The following SLA variants were observed in gnomAD, a reference collection of about 807,000 sequenced individuals.
SLA encodes Src like adaptor, also known as src-like-adapter.
A neutral mutation model predicts 30.3 loss-of-function variants in SLA; 16 were observed. That is an observed-to-expected ratio of 0.53 (90% CI 0.36 to 0.80). The LOEUF (loss-of-function observed/expected upper bound fraction) is 0.80, where lower values mean the gene tolerates loss of function less well. SLA is among the 30% of genes least tolerant of loss of function. The pLI is 0.01. For synonymous variants in SLA, 143 were observed against 137.8 expected, an observed-to-expected ratio of 1.04 and a Z score of -0.26; for missense variants, 310 against 345.2, an observed-to-expected ratio of 0.90 and a Z score of 0.81.
intron 1 of SLA, among the ~76,000 whole-genome samples, chr8:133,075,750 T>A (rs1366129463): frequency 1.3e-5 from 2 of 152,098 alleles, no homozygotes; most frequent in East Asian, 3.9e-4. Context: ...ACCACAATCA[T>A]TGTGGCACCA....
chr8:133,037,981 G>A lies in SLA; in HGVS notation c.*543C>T, dbSNP rs1372491301. ...AAGAAGTCCTTTGGGCTAATGTTTA[G>A]TGTCACGAAGTTCCTTTAAAAAGAG... On this transcript the variant is annotated 3_prime_UTR_variant, in exon 9 of 9. Transcript: ENST00000338087. 1 of 155,162 alleles carries A rather than the reference G, an allele frequency of 6.4e-6. No individual in the cohort carries two copies. Among genetic ancestry groups the A allele is most frequent in the African/African-American group, 2.4e-5 (1 of 41,448 alleles). The allele number at this position is 155,162 out of a possible 1,614,324, so 9.6% of individuals were successfully genotyped here. A position where few individuals can be genotyped will look rare whatever the true frequency, so the allele number is the denominator to read the frequency against.
chr8:133,062,985 G>C (rs1342258266), intron 2 of SLA, among the ~76,000 whole-genome samples: 1 of 152,218 alleles, frequency 6.6e-6, no homozygotes, highest in Non-Finnish European at 1.5e-5. Context: ...GGGCTTCCTG[G>C]TACCTGCCAG....
chr8:133,078,561 G>T (rs1255418773), intron 1 of SLA, among the ~76,000 whole-genome samples: 2 of 152,144 alleles, frequency 1.3e-5, no homozygotes, highest in Non-Finnish European at 2.9e-5. Flanking sequence ...CATGCATTTT[G>T]TGCTCCATAC....
chr8:133,102,552 C>T lies in SLA; in HGVS notation c.-319+1G>A. ...CAATGACAGCAAAGTTAGCAACCTA[C>T]CGGTGGAGCATCAGGGCTGCCTGAG... On this transcript the variant is annotated splice_donor_variant, in intron 1 of 8. Coordinates refer to ENST00000338087, the MANE Select transcript of SLA (RefSeq NM_001045556.3). LOFTEE classifies it low-confidence loss of function (5UTR_SPLICE). 1 of 1,551,652 alleles carries T rather than the reference C, an allele frequency of 6.4e-7. No homozygotes were observed. The highest frequency in any genetic ancestry group is 8.7e-7 in the Non-Finnish European group (1 of 1,146,900).
chr8:133,060,096 T>C lies in SLA; in HGVS notation c.61+4A>G. 6.3e-7 allele frequency: 1 copy of C among 1,592,862 alleles called. No individual in the cohort carries two copies. The highest frequency in any genetic ancestry group is 8.5e-7 in the Non-Finnish European group (1 of 1,173,178). On this transcript the variant is annotated splice_donor_region_variant and intron_variant, in intron 3 of 8. Transcript: ENST00000338087. ...AAGCATCTCACCAGAGAAGCCAGAC[T>C]TACCCTCCGGGTTGGGCAGGGGCCT...
At chr8:133,096,121 G>A in intron 1 of SLA, 1 of 1,512,128 alleles carries the variant, frequency 6.6e-7, no homozygotes, top group South Asian at 1.1e-5. Flanking sequence ...ACCAGTATTG[G>A]CATTCAGTAT....
chr8:133,051,640 A>G (rs2252681), intron 3 of SLA, among the ~76,000 whole-genome samples: 34,590 of 152,122 alleles, frequency 0.23, 4,608 homozygotes, highest in Middle Eastern at 0.35. Flanking sequence ...TGAAAAGGAA[A>G]GAGGGCTGTC....
chr8:133,054,891 C>T (rs1185251196), intron 3 of SLA, among the ~76,000 whole-genome samples: 1 of 152,138 alleles, frequency 6.6e-6, no homozygotes, highest in African/African-American at 2.4e-5. Flanking sequence ...GCTGCATGAC[C>T]ATTTCTTTTT....
chr8:133,065,592 T>C (rs577324257), intron 2 of SLA, among the ~76,000 whole-genome samples: 117 of 152,084 alleles, frequency 7.7e-4, no homozygotes, highest in African/African-American at 2.7e-3. Flanking sequence ...AGGAACCCCG[T>C]CTCTACTAAA....
Position 133,040,110 on chromosome 8 carries a change from A to T in SLA, c.505T>A (p.Cys169Ser). 6.3e-7 allele frequency: 1 copy of T among 1,575,428 alleles called. No homozygotes were observed. The highest frequency in any genetic ancestry group is 1.9e-5 in the Admixed American group (1 of 53,666). ...HYSEVADGLC[C>S]VLTTPCLTQS... ...GTCAGGCAGGGCGTGGTGAGCACAC[A>T]GCACAGGCCATCAGCCACCTCTGAG... The change falls in exon 8 of 9, where the codon TGT becomes AGT. Residue 169 changes from cysteine (C) to serine (S), a missense_variant. Physicochemically the swap from Cys to Ser is moderately radical, Grantham distance 112. Coordinates refer to ENST00000338087, the MANE Select transcript of SLA (RefSeq NM_001045556.3).
chr8:133,051,542 A>AT (rs1224933207), intron 3 of SLA, among the ~76,000 whole-genome samples: 4 of 152,172 alleles, frequency 2.6e-5, no homozygotes, highest in Non-Finnish European at 4.4e-5. Context: ...CATCTATTTA[A>AT]TAGGGACATT....
rs1464598087 is a variant in SLA, at chr8:133,048,942, A to C, written c.248+960T>G. Reference sequence around the variant, plus strand: ...ATGTGGCATGTAGAGTCCTCTGGACATGAAGAAGTAACTTAGTGTTTATCA... The same window carrying C: ...ATGTGGCATGTAGAGTCCTCTGGACCTGAAGAAGTAACTTAGTGTTTATCA... On this transcript the variant is annotated intron_variant, in intron 5 of 8. Transcript: ENST00000338087. The C allele has an allele frequency of 1.6e-5, 5 of 316,572 alleles. No homozygotes were observed. In the East Asian group the frequency reaches 3.9e-4, roughly 25 times the overall value. 19.6% of individuals were successfully genotyped at this position (316,572 alleles called of 1,614,324 possible).
rs980649355 is a variant in SLA at position 133,043,714 on chromosome 8, T to G, written c.484+1270A>C. Among the ~76,000 whole-genome samples the G allele has an allele frequency of 3.9e-5, 6 of 152,304 alleles. No individual in the cohort carries two copies. In the South Asian group the frequency reaches 8.3e-4, roughly 21 times the overall value. On this transcript the variant is annotated intron_variant, in intron 7 of 8. Transcript: ENST00000338087. ...TTGCCTCATGCCCCACTGCTTCTCG[T>G]GGGCCAGCTGTGATAACCAAAGCCC... is the stretch of plus-strand genomic sequence containing the variant.
chr8:133,086,191 G>A (rs897313875), intron 1 of SLA, among the ~76,000 whole-genome samples: 3 of 152,180 alleles, frequency 2.0e-5, no homozygotes, highest in Non-Finnish European at 2.9e-5. Flanking sequence ...GATGGCCTGC[G>A]GCTGGGAGTG....
chr8:133,056,460 C>T (rs926428974), intron 3 of SLA, among the ~76,000 whole-genome samples: 6 of 152,288 alleles, frequency 3.9e-5, no homozygotes, highest in South Asian at 2.1e-4. Flanking sequence ...TCATTCGAGA[C>T]GAGCCCATCC....
At chr8:133,082,276 T>C (rs555964492) in intron 1 of SLA, among the ~76,000 whole-genome samples, 1 of 152,272 alleles carries the variant, frequency 6.6e-6, no homozygotes, top group Admixed American at 6.5e-5. Flanking sequence ...AGTGTATCTG[T>C]TTGGCCAGTT....
intron 1 of SLA, among the ~76,000 whole-genome samples, chr8:133,087,116 A>G (rs568639722): frequency 8.4e-6 from 1 of 118,354 alleles, no homozygotes; most frequent in African/African-American, 3.1e-5. Flanking sequence ...ACACACACAC[A>G]CACACACGGA....
intron 2 of SLA, among the ~76,000 whole-genome samples, chr8:133,062,554 G>A (rs1174852411): frequency 1.2e-4 from 18 of 152,256 alleles, no homozygotes; most frequent in Admixed American, 9.2e-4. Flanking sequence ...TCCGAGGCCC[G>A]GGTCAGGCAA....
Position 133,037,340 on chromosome 8 carries a change from G to C in SLA, c.*1184C>G, listed in dbSNP as rs1286087653. On this transcript the variant is annotated 3_prime_UTR_variant, in exon 9 of 9. Transcript: ENST00000338087. ...TCCACTTGGACTCCCCATCTTTCCT[G>C]GAGCTGAGCATTTTTCCTCATATGG... 6.6e-6 allele frequency: 1 copy of C among 152,140 alleles called. No homozygotes were observed. The highest frequency in any genetic ancestry group is 2.4e-5 in the African/African-American group (1 of 41,404). 9.4% of individuals were successfully genotyped at this position (152,140 alleles called of 1,614,324 possible).
Sources: allele counts gnomAD v4.1 joint callset (sites outside exome capture counted in the v4.1 genomes callset), GRCh38; gene constraint gnomAD v4.1.1; transcripts MANE v1.5; gene names NCBI Gene and HGNC (gene_info 2026-07-23, HGNC 2026-07-21).